SBSPON: variants seen among roughly 807,000 people sequenced by gnomAD.
SBSPON encodes the protein somatomedin B and thrombospondin type 1 domain containing.
SBSPON carries 30 observed loss-of-function variants against 35.8 expected under a neutral mutation model. That is an observed-to-expected ratio of 0.84 (90% confidence interval 0.63 to 1.14). The LOEUF (loss-of-function observed/expected upper bound fraction) is 1.14, where lower values mean the gene tolerates loss of function less well. Ranked by LOEUF, SBSPON falls within the 50% of genes most tolerant of loss-of-function variation. The probability of loss-of-function intolerance (pLI) is 0.00; values close to 1 mark genes in which losing one functional copy is unlikely to be tolerated. For synonymous variants in SBSPON, 136 were observed against 135.9 expected (o/e 1.00, Z 0.00); for missense variants, 364 against 357.7 (o/e 1.02, Z -0.14).
intron 3 of SBSPON, among the ~76,000 whole-genome samples, chr8:73,071,196 A>C (rs1311010218): frequency 3.3e-5 from 5 of 152,182 alleles, no homozygotes; most frequent in Non-Finnish European, 1.5e-5. Context: ...TTAAATGCTC[A>C]TACCAACCTC....
At chr8:73,088,813 A>G (rs369766224) in intron 1 of SBSPON, among the ~76,000 whole-genome samples, 1 of 152,234 alleles carries the variant, frequency 6.6e-6, no homozygotes, top group South Asian at 2.1e-4. Context: ...AAATTGGCAA[A>G]TATATGTGGC....
chr8:73,093,102 A>AC lies in SBSPON; in HGVS notation c.-36dup. ...TCCGGCGGCGCCTGCGACGCGACAG[A>AC]CCCCCGGGGCAAGCGCTCTGATCCT... is the stretch of plus-strand genomic sequence containing the variant. On this transcript the variant is annotated 5_prime_UTR_variant, in exon 1 of 5. Coordinates refer to ENST00000297354, the MANE Select transcript of SBSPON (RefSeq NM_153225.4). 2.5e-6 allele frequency: 3 copies of AC among 1,204,570 alleles called. No individual in the cohort carries two copies. Among genetic ancestry groups the AC allele is most frequent in the Admixed American group, 4.3e-5 (1 of 23,126 alleles). The allele number at this position is 1,204,570 out of a possible 1,614,324, so 74.6% of individuals were successfully genotyped here.
rs1269339637 is a variant in SBSPON at position 73,071,815 on chromosome 8, C to T, written c.465G>A (p.Thr155=). The T allele has an allele frequency of 5.0e-6, 8 of 1,610,670 alleles. No homozygotes were observed. Among genetic ancestry groups the T allele is most frequent in the South Asian group, 3.3e-5 (3 of 90,984 alleles). ...CTGTGTGTGTAGACCAGTGTGGAGA[C>T]GTAGCTTGTCGTGTTCTCTCCTTGT... ...AFNKERTRQA[T]SPHWSTHTED... The change falls in exon 3 of 5, where the codon ACG becomes ACA. Residue 155 remains threonine, a synonymous_variant. Transcript: ENST00000297354.
In SBSPON at chr8:73,066,697, A is replaced by G. The variant is rs1016001222; in HGVS notation, c.*644T>C. ...CATTTAAAAGAACTCCCATTGACCT[A>G]CAATGAGCATTTGATCCTTTCACTT... On this transcript the variant is annotated 3_prime_UTR_variant, in exon 5 of 5. Coordinates refer to ENST00000297354, the MANE Select transcript of SBSPON (RefSeq NM_153225.4). The G allele has an allele frequency of 7.9e-5, 12 of 152,204 alleles. No individual in the cohort carries two copies. The highest frequency in any genetic ancestry group is 2.9e-4 in the African/African-American group (12 of 41,462). 9.4% of individuals were successfully genotyped at this position (152,204 alleles called of 1,614,324 possible).
At chr8:73,090,079 T>C (rs1810903106) in intron 1 of SBSPON, among the ~76,000 whole-genome samples, 2 of 152,224 alleles carry the variant, frequency 1.3e-5, no homozygotes, top group South Asian at 4.1e-4. Flanking sequence ...GGTTTCGCCA[T>C]GTTGGCCAGG....
chr8:73,068,077 T>C (rs867272734), intron 4 of SBSPON, among the ~76,000 whole-genome samples: 10 of 152,134 alleles, frequency 6.6e-5, no homozygotes, highest in South Asian at 2.1e-4. Flanking sequence ...CTTTTACTGC[T>C]TTCCAACTCT....
intron 1 of SBSPON, among the ~76,000 whole-genome samples, chr8:73,091,470 G>A (rs1304131843): frequency 6.6e-6 from 1 of 152,176 alleles, no homozygotes; most frequent in Non-Finnish European, 1.5e-5. Flanking sequence ...GACATTAGCT[G>A]GGTCACAGGA....
chr8:73,080,391 T>G (rs1258749114), intron 2 of SBSPON, among the ~76,000 whole-genome samples: 1 of 152,028 alleles, frequency 6.6e-6, no homozygotes, highest in Admixed American at 6.5e-5. Context: ...GGCAGGCGCC[T>G]GTAGTCCCAG....
chr8:73,079,950 T>C (rs562812020), intron 2 of SBSPON, among the ~76,000 whole-genome samples: 2 of 152,324 alleles, frequency 1.3e-5, no homozygotes, highest in East Asian at 3.9e-4. Context: ...TTGACAAGGA[T>C]TGTGTTGACA....
chr8:73,081,138 C>T lies in SBSPON; in HGVS notation c.290G>A (p.Arg97Gln), dbSNP rs754768053. Reference sequence around the variant, plus strand: ...AGGCTCCTGCTGCACCGAGCGCCTCCGCACACGGGTTGTAGGCTTGCACTG... The same window carrying T: ...AGGCTCCTGCTGCACCGAGCGCCTCTGCACACGGGTTGTAGGCTTGCACTG... ...ADQCKPTTRV[R>Q]RRSVQQEPQN... The change falls in exon 2 of 5, where the codon CGG (arginine) becomes CAG (glutamine). Residue 97 changes from arginine to glutamine, a missense_variant. Coordinates refer to ENST00000297354, the MANE Select transcript of SBSPON (RefSeq NM_153225.4). The T allele has an allele frequency of 2.5e-5, 41 of 1,613,328 alleles. 1 individual carries two copies. The highest frequency in any genetic ancestry group is 8.9e-5 in the East Asian group (4 of 44,872).
At position 73,093,056 on chromosome 8, in the gene SBSPON, C is replaced by T. The variant is rs776268470; in HGVS notation, c.12G>A (p.Leu4=). The T allele has an allele frequency of 7.1e-5, 97 of 1,364,922 alleles. No homozygotes were observed. The African/African-American group carries it at 1.3e-3, about 19-fold the overall frequency. The allele number at this position is 1,364,922 out of a possible 1,614,324, so 84.6% of individuals were successfully genotyped here. Residue 4 remains leucine (L), a synonymous_variant, in exon 1 of 5, where the codon CTG becomes CTA. Transcript: ENST00000297354. Reference sequence around the variant, plus strand: ...GCGACAGCGCGCACAGCGCCATCCACAGGGTCCTCATGGCCAGGGCTCCGG... The same window carrying T: ...GCGACAGCGCGCACAGCGCCATCCATAGGGTCCTCATGGCCAGGGCTCCGG... MRT[L]WMALCALSRL... is the part of the protein sequence containing the mutation.
Position 73,092,891 on chromosome 8 carries a change from G to A in SBSPON, c.177C>T (p.Thr59=), listed in dbSNP as rs373983050. 1 of 1,611,990 alleles carries A rather than the reference G, an allele frequency of 6.2e-7. No homozygotes were observed. The highest frequency in any genetic ancestry group is 2.2e-5 in the East Asian group (1 of 44,718). ...TGTCGTAGTCGAAGCAGCAGTCCCC[G>A]GTGAAGCGACAGGCTTGGTCGCAGA... The part of the protein sequence containing the change: ...TCFCDQACRF[T]GDCCFDYDRA... The change falls in exon 1 of 5, where the codon ACC becomes ACT. Residue 59 remains threonine, a synonymous_variant. Coordinates refer to ENST00000297354, the MANE Select transcript of SBSPON (RefSeq NM_153225.4).
chr8:73,093,033 GACAGCGCGC>G lies in SBSPON; in HGVS notation c.26_34del (p.Cys9_Leu11del). Reference sequence around the variant, plus strand: ...GGCCTGGGCCCCGGGCCACAGCCGCGACAGCGCGCACAGCGCCATCCACAGGGTCCTCAT... The same window carrying G: ...GGCCTGGGCCCCGGGCCACAGCCGCGACAGCGCCATCCACAGGGTCCTCAT... On this transcript the variant is annotated inframe_deletion, in exon 1 of 5. Coordinates refer to ENST00000297354, the MANE Select transcript of SBSPON (RefSeq NM_153225.4). The G allele has an allele frequency of 1.4e-6, 2 of 1,388,088 alleles. No individual in the cohort carries two copies. The highest frequency in any genetic ancestry group is 1.9e-6 in the Non-Finnish European group (2 of 1,077,224). 86.0% of individuals were successfully genotyped at this position (1,388,088 alleles called of 1,614,324 possible).
At chr8:73,087,206 C>T (rs571326380) in intron 1 of SBSPON, among the ~76,000 whole-genome samples, 7 of 152,130 alleles carry the variant, frequency 4.6e-5, no homozygotes, top group African/African-American at 1.2e-4. Flanking sequence ...CATGTTTTGA[C>T]GTATGGCCTC....
At chr8:73,076,210 G>A (rs1165985814) in intron 2 of SBSPON, among the ~76,000 whole-genome samples, 1 of 152,128 alleles carries the variant, frequency 6.6e-6, no homozygotes, top group Non-Finnish European at 1.5e-5. Flanking sequence ...GTGTCCTCAG[G>A]TGTAAACCAA....
rs974132021 is a variant in SBSPON at position 73,065,318 on chromosome 8, AGTT to A, written c.*2020_*2022del. ...GCACCATTGCTTTATTGCTATTAGT[AGTT>A]GTTGTACCTATACCTATCAGTTCTG... On this transcript the variant is annotated 3_prime_UTR_variant, in exon 5 of 5. Transcript: ENST00000297354. 2.0e-4 allele frequency: 30 copies of A among 152,290 alleles called. No individual in the cohort carries two copies. Among genetic ancestry groups the A allele is most frequent in the African/African-American group, 6.0e-4 (25 of 41,564 alleles). 9.4% of individuals were successfully genotyped at this position (152,290 alleles called of 1,614,324 possible). A position where few individuals can be genotyped will look rare whatever the true frequency, so the allele number is the denominator to read the frequency against.
chr8:73,086,872 A>T (rs571039494), intron 1 of SBSPON, among the ~76,000 whole-genome samples: 2 of 152,234 alleles, frequency 1.3e-5, no homozygotes, highest in African/African-American at 4.8e-5. Context: ...TGCAACAAAC[A>T]TATATTTTGT....
intron 2 of SBSPON, among the ~76,000 whole-genome samples, chr8:73,079,832 A>G (rs138015395): frequency 6.6e-6 from 1 of 152,064 alleles, no homozygotes; most frequent in Non-Finnish European, 1.5e-5. Context: ...CTCCACATCA[A>G]CTTTTCTCCA....
intron 1 of SBSPON, among the ~76,000 whole-genome samples, chr8:73,082,660 A>G (rs998997354): frequency 6.6e-5 from 10 of 152,222 alleles, no homozygotes; most frequent in African/African-American, 2.4e-4. Context: ...CCATGTATAC[A>G]TCTTTTGGAA....
Sources: gnomAD v4.1 joint callset for allele counts (sites outside exome capture counted in the v4.1 genomes callset) on GRCh38, gnomAD v4.1.1 for gene constraint, MANE v1.5 for transcripts, NCBI Gene and HGNC (gene_info 2026-07-23, HGNC 2026-07-21) for gene names.